The following TRAF3IP1 variants were observed in gnomAD, a reference collection of about 807,000 sequenced individuals.
TRAF3IP1 encodes the protein intraflagellar transport 54.
In TRAF3IP1, 53 loss-of-function variants were observed where a neutral mutation model predicts 89.9. The observed-to-expected ratio is 0.59, with a 90% CI of 0.47 to 0.74. The LOEUF (loss-of-function observed/expected upper bound fraction) is 0.74, where lower values mean the gene tolerates loss of function less well. TRAF3IP1 is among the 30% of genes least tolerant of loss of function. TRAF3IP1 has a pLI of 0.00. For missense variants in TRAF3IP1, 806 were observed against 866.1 expected, an observed-to-expected ratio of 0.93 and a Z score of 0.87; for synonymous variants, 311 against 322.1, an observed-to-expected ratio of 0.97 and a Z score of 0.37.
At chr2:238,330,541 G>T (rs1413364087) in intron 5 of TRAF3IP1, among the ~76,000 whole-genome samples, 1 of 152,226 alleles carries the variant, frequency 6.6e-6, no homozygotes, top group Non-Finnish European at 1.5e-5. Flanking sequence ...ATCCGGCCGG[G>T]CAGTGAGGGG....
At chr2:238,370,396 A>C (rs368211558) in intron 15 of TRAF3IP1, among the ~76,000 whole-genome samples, 2 of 152,054 alleles carry the variant, frequency 1.3e-5, no homozygotes, top group Non-Finnish European at 2.9e-5. Context: ...GCATGTGTAC[A>C]TGTGTATATA....
intron 15 of TRAF3IP1, among the ~76,000 whole-genome samples, chr2:238,375,167 T>C (rs1472823917): frequency 6.6e-6 from 1 of 152,134 alleles, no homozygotes; most frequent in African/African-American, 2.4e-5. Flanking sequence ...CTTGCCTCCT[T>C]CTAGCTTTTG....
In TRAF3IP1 at chr2:238,329,161, G is replaced by A. The variant is rs374590341; in HGVS notation, c.734G>A (p.Arg245His). ...AGGGAGCGGGACAGAGACTCCGAGC[G>A]CAAGAAGGAGACAGAGAGAAAGAGT... The part of the protein sequence containing the change: ...GNRERDRDSE[R>H]KKETERKSEG... The change falls in exon 5 of 17, where the codon CGC (arginine) becomes CAC (histidine). Residue 245 changes from arginine (R) to histidine (H), a missense_variant. Around this residue, in one of 3 missense-constraint regions of TRAF3IP1, gnomAD observed 732 missense variants for 780.5 expected, o/e 0.94. Coordinates refer to ENST00000373327, the MANE Select transcript of TRAF3IP1 (RefSeq NM_015650.4). 45 of 1,554,934 alleles carry A rather than the reference G, an allele frequency of 2.9e-5. 1 individual carries two copies. Among genetic ancestry groups the A allele is most frequent in the African/African-American group, 1.8e-4 (13 of 72,432 alleles).
intron 10 of TRAF3IP1, among the ~76,000 whole-genome samples, chr2:238,347,895 G>T (rs1383544308): frequency 6.6e-6 from 1 of 152,052 alleles, no homozygotes; most frequent in Admixed American, 6.5e-5. Context: ...CCAAAGTTCT[G>T]GGATTACAGG....
intron 15 of TRAF3IP1, among the ~76,000 whole-genome samples, chr2:238,363,904 G>A (rs777804295): frequency 6.6e-6 from 1 of 152,084 alleles, no homozygotes; most frequent in African/African-American, 2.4e-5. Flanking sequence ...AAGTTGCAGC[G>A]AGCCGAGACT....
intron 5 of TRAF3IP1, among the ~76,000 whole-genome samples, chr2:238,330,069 G>A (rs778502694): frequency 1.3e-5 from 2 of 152,194 alleles, no homozygotes; most frequent in Non-Finnish European, 2.9e-5. Flanking sequence ...TGTCGTTTGT[G>A]TCATTTGTGT....
At chr2:238,348,669 CA>C in intron 10 of TRAF3IP1, 94 bp from the exon 11 acceptor site, 1 of 1,077,432 alleles carries the variant, frequency 9.3e-7, no homozygotes, top group Non-Finnish European at 1.4e-6. Context: ...TATTTGATTG[CA>C]AATAACTGCA....
chr2:238,379,391 G>C lies in TRAF3IP1; in HGVS notation c.1690-18068G>C, dbSNP rs185633210. On this transcript the variant is annotated intron_variant, in intron 15 of 16. Coordinates refer to ENST00000373327, the MANE Select transcript of TRAF3IP1 (RefSeq NM_015650.4). This position sits in a 1 kb window ranked among gnomAD's most constrained non-coding sequence, Gnocchi z 4.0. ...GCAGCTGGCTGTCAGGATGCTGGTG[G>C]AGGGAAGAGTGAGGAGTGCCAGCTT... 6.6e-6 allele frequency among the ~76,000 whole-genome samples: 1 copy of C among 152,234 alleles called. No homozygotes were observed.
chr2:238,373,316 A>G (rs1349515283), intron 15 of TRAF3IP1, among the ~76,000 whole-genome samples: 4 of 152,038 alleles, frequency 2.6e-5, no homozygotes, highest in African/African-American at 9.7e-5. Flanking sequence ...TGTATATGGT[A>G]TAAGGAAGGG....
chr2:238,351,837 GT>G lies in TRAF3IP1; in HGVS notation c.1452-989del, dbSNP rs56969975. 0.018 allele frequency among the ~76,000 whole-genome samples: 991 copies of G among 56,230 alleles called. 5 individuals are homozygous for G. The highest frequency in any genetic ancestry group is 0.022 in the Non-Finnish European group (654 of 29,722). 36.9% of individuals were successfully genotyped at this position (56,230 alleles called of 152,430 possible). On this transcript the variant is annotated intron_variant, in intron 12 of 16. Transcript: ENST00000373327. This position sits in a 1 kb window ranked among gnomAD's most constrained non-coding sequence, Gnocchi z 5.2. ...CACTGAAGCAAGGGAGGATTTTGGT[GT>G]GTGTGTGTGTGTGTGTGTGTGTGTG...
intron 15 of TRAF3IP1, among the ~76,000 whole-genome samples, chr2:238,377,697 A>G (rs954140630): frequency 1.3e-5 from 2 of 152,072 alleles, no homozygotes; most frequent in African/African-American, 4.8e-5. Context: ...TTTTTTTAGT[A>G]CCAAGGTCAA....
At chr2:238,381,691 T>C (rs975335726) in intron 15 of TRAF3IP1, among the ~76,000 whole-genome samples, 1 of 152,188 alleles carries the variant, frequency 6.6e-6, no homozygotes, top group African/African-American at 2.4e-5. Flanking sequence ...GGTATAAACA[T>C]TCATTTGCAC....
intron 9 of TRAF3IP1, among the ~76,000 whole-genome samples, chr2:238,346,534 G>A (rs1020462436): frequency 6.6e-6 from 1 of 152,152 alleles, no homozygotes; most frequent in Admixed American, 6.5e-5. Flanking sequence ...CAGCATTTAT[G>A]AGCTCGTGGC....
At chr2:238,385,855 T>C (rs577234409) in intron 15 of TRAF3IP1, among the ~76,000 whole-genome samples, 7 of 152,250 alleles carry the variant, frequency 4.6e-5, no homozygotes, top group African/African-American at 1.7e-4. Context: ...TTTAAGTGCC[T>C]TTAGCTCAAA....
chr2:238,334,100 T>A, intron 7 of TRAF3IP1, 65 bp downstream of exon 7: 1 of 1,205,578 alleles, frequency 8.3e-7, no homozygotes, highest in Non-Finnish European at 1.2e-6. Context: ...TTTGTCTTAA[T>A]CTCAATGTCT....
chr2:238,397,557 C>T lies in TRAF3IP1; in HGVS notation c.1788C>T (p.Ser596=), dbSNP rs767297568. The change falls in exon 16 of 17, where the codon AGC becomes AGT. Residue 596 remains serine (S), a synonymous_variant. Transcript: ENST00000373327. Reference sequence around the variant, plus strand: ...CGTCCATCCAGACCCTGTGCAAGAGCGCACTTCCCCTGGGGAAGATCATGG... The same window carrying T: ...CGTCCATCCAGACCCTGTGCAAGAGTGCACTTCCCCTGGGGAAGATCATGG... ...LRTSIQTLCK[S]ALPLGKIMDY... is the part of the protein sequence containing the mutation. 5.6e-6 allele frequency: 9 copies of T among 1,612,922 alleles called. 1 individual carries two copies. Among genetic ancestry groups the T allele is most frequent in the African/African-American group, 2.7e-5 (2 of 74,908 alleles).
chr2:238,359,138 C>A (rs1436275177), intron 15 of TRAF3IP1, among the ~76,000 whole-genome samples: 2 of 152,150 alleles, frequency 1.3e-5, no homozygotes, highest in African/African-American at 2.4e-5. Flanking sequence ...GGGGTTATGC[C>A]CAGGCTTAGA....
intron 10 of TRAF3IP1, 50 bp downstream of exon 10, chr2:238,347,525 GTGTGAA>G (rs753524756): frequency 1.9e-6 from 3 of 1,590,712 alleles, no homozygotes; most frequent in South Asian, 1.1e-5. Flanking sequence ...GTATGCATGT[GTGTGAA>G]TGTGAATGTG....
chr2:238,349,641 A>G (rs756185813), intron 12 of TRAF3IP1, among the ~76,000 whole-genome samples: 75 of 152,368 alleles, frequency 4.9e-4, no homozygotes, highest in Non-Finnish European at 4.9e-4. Flanking sequence ...TCTATGGGAA[A>G]ATGTTGGACT....
Sources: gnomAD v4.1 joint callset for allele counts (sites outside exome capture counted in the v4.1 genomes callset) on GRCh38, gnomAD v4.1.1 for gene constraint, gnomAD v4.1.1 regional missense constraint, Gnocchi (gnomAD v3.1) non-coding constraint, MANE v1.5 for transcripts, NCBI Gene and HGNC (gene_info 2026-07-23, HGNC 2026-07-21) for gene names.